PHC2: variants seen among roughly 807,000 people sequenced by gnomAD.
PHC2 encodes polyhomeotic-like protein 2.
In PHC2, 29 loss-of-function variants were observed where a neutral mutation model predicts 87.4. The ratio of observed to expected loss-of-function variants is 0.33; its 90% CI spans 0.25 to 0.45. The LOEUF is 0.45. PHC2 is among the 20% of genes least tolerant of loss of function. The pLI is 1.00. For missense variants in PHC2, 857 were observed against 1,136.7 expected (o/e 0.75, Z 3.54); for synonymous variants, 438 against 461.7 (o/e 0.95, Z 0.66).
At chr1:33,342,122 G>A (rs1646755740) in intron 9 of PHC2, among the ~76,000 whole-genome samples, 2 of 152,366 alleles carry the variant, frequency 1.3e-5, no homozygotes, top group South Asian at 4.1e-4. Context: ...GCGGATGACT[G>A]AGATCCACAC....
chr1:33,351,530 G>A (rs551998387), intron 9 of PHC2, among the ~76,000 whole-genome samples: 1 of 152,072 alleles, frequency 6.6e-6, no homozygotes, highest in African/African-American at 2.4e-5. Context: ...ACTTTCTATT[G>A]TAATTTTTTT....
intron 9 of PHC2, chr1:33,347,083 T>C: frequency 3.0e-6 from 3 of 985,360 alleles, no homozygotes; most frequent in Non-Finnish European, 3.6e-6. Context: ...AGACAGGAAA[T>C]GAGTAACACA....
In PHC2 at chr1:33,332,577, T is replaced by C. The variant is rs1428221153; in HGVS notation, c.1762-173A>G. The C allele has an allele frequency of 5.3e-6, 4 of 761,306 alleles. No homozygotes were observed. 47.2% of individuals were successfully genotyped at this position (761,306 alleles called of 1,614,324 possible). ...TGGGCTCAAGGCCCTATTTTGCTGG[T>C]TGGCTCACGAGGTAAGATGCTAATG... On this transcript the variant is annotated intron_variant, in intron 10 of 14. Transcript: ENST00000683057. The surrounding 1 kb of genome is among the most constrained non-coding windows in gnomAD (Gnocchi z 4.2).
rs138780645 is a variant in PHC2, at chr1:33,403,823, T to G, written c.-55+27153A>C. Among the ~76,000 whole-genome samples the G allele has an allele frequency of 2.5e-3, 378 of 152,310 alleles. 2 individuals are homozygous for G. Among genetic ancestry groups the G allele is most frequent in the African/African-American group, 8.4e-3 (349 of 41,566 alleles). ...TCAACACTGCTGACCATTCTTTTCC[T>G]TGAAACAGTAAATACCCTTGGCTTT... is the stretch of plus-strand genomic sequence containing the variant. On this transcript the variant is annotated intron_variant, in intron 1 of 14. Transcript: ENST00000683057.
intron 1 of PHC2, among the ~76,000 whole-genome samples, chr1:33,389,625 G>C (rs1356484364): frequency 6.6e-6 from 1 of 152,054 alleles, no homozygotes; most frequent in East Asian, 1.9e-4. Context: ...CTAGCTCTGG[G>C]GCCTCCTTAC....
At chr1:33,337,040 CTATTT>C (rs1646652465) in intron 9 of PHC2, among the ~76,000 whole-genome samples, 2 of 152,208 alleles carry the variant, frequency 1.3e-5, no homozygotes, top group African/African-American at 2.4e-5. Context: ...TAAGAAACAT[CTATTT>C]TATTTAAAAT....
chr1:33,376,579 A>T (rs1648197722), intron 1 of PHC2, among the ~76,000 whole-genome samples: 1 of 152,236 alleles, frequency 6.6e-6, no homozygotes. Context: ...TGAACATCAG[A>T]GAATTTACTA....
Position 33,354,542 on chromosome 1 carries a change from A to C in PHC2, c.1417T>G (p.Trp473Gly), listed in dbSNP as rs2148280939. The C allele has an allele frequency of 1.9e-6, 3 of 1,613,908 alleles. No homozygotes were observed. Among genetic ancestry groups the C allele is most frequent in the East Asian group, 2.2e-5 (1 of 44,872 alleles). ...PVPQQCVPDD[W>G]KEVAPGEKSV... ...TTCTCCCCTGGTGCCACTTCTTTCC[A>C]GTCATCAGGGACACACTGCTGGGGC... The change falls in exon 9 of 15, where the codon TGG becomes GGG. Residue 473 changes from tryptophan (W) to glycine (G), a missense_variant. By Grantham distance (184) the Trp-to-Gly change is radical. This residue lies in a region of PHC2 where 832 missense variants were observed against 1,081.8 expected (regional missense o/e 0.77). Coordinates refer to ENST00000683057, the MANE Select transcript of PHC2 (RefSeq NM_001385109.1).
intron 1 of PHC2, among the ~76,000 whole-genome samples, chr1:33,404,062 C>A (rs1270011283): frequency 2.6e-5 from 4 of 152,172 alleles, no homozygotes; most frequent in African/African-American, 9.7e-5. Context: ...TCAGACCTCT[C>A]CTCTGAGTGA....
chr1:33,360,344 T>C (rs1647173555), intron 7 of PHC2, among the ~76,000 whole-genome samples: 1 of 152,244 alleles, frequency 6.6e-6, no homozygotes, highest in Admixed American at 6.5e-5. Context: ...AAAGAAAATG[T>C]TATCTGCATC....
At chr1:33,428,770 G>A (rs184467333) in intron 1 of PHC2, among the ~76,000 whole-genome samples, 3 of 152,338 alleles carry the variant, frequency 2.0e-5, no homozygotes, top group Admixed American at 2.0e-4. Context: ...GGGATGAAGA[G>A]AAGAGGATAA....
At chr1:33,341,033 G>T (rs1285378554) in intron 9 of PHC2, among the ~76,000 whole-genome samples, 1 of 152,054 alleles carries the variant, frequency 6.6e-6, no homozygotes, top group African/African-American at 2.4e-5. Context: ...AAGCAACTTG[G>T]CCTCAGAGGT....
chr1:33,335,987 G>GT, intron 9 of PHC2, among the ~76,000 whole-genome samples: 1 of 113,310 alleles, frequency 8.8e-6, no homozygotes, highest in Admixed American at 7.8e-5. Flanking sequence ...TGTTGTTGTT[G>GT]TTGTTGTTGT....
At chr1:33,335,236 T>C in intron 9 of PHC2, 3 of 985,460 alleles carry the variant, frequency 3.0e-6, no homozygotes, top group Non-Finnish European at 3.6e-6. Flanking sequence ...AGCTGTCTCA[T>C]TGTCTTAGAC....
intron 1 of PHC2, among the ~76,000 whole-genome samples, chr1:33,391,688 T>C (rs1649060559): frequency 1.3e-5 from 2 of 151,216 alleles, no homozygotes; most frequent in Admixed American, 6.6e-5. Flanking sequence ...TATTTTATCA[T>C]TTAAATTAAA....
chr1:33,354,352 A>C (rs1299747008), intron 9 of PHC2, 49 bp downstream of exon 9: 3 of 1,554,272 alleles, frequency 1.9e-6, no homozygotes, highest in Non-Finnish European at 2.6e-6. Context: ...GGGCATGGCA[A>C]GAAAGGCCAA....
At position 33,371,032 on chromosome 1, in the gene PHC2, C is replaced by G. The variant is rs777203855; in HGVS notation, c.396G>C (p.Pro132=). 2 of 1,613,974 alleles carry G rather than the reference C, an allele frequency of 1.2e-6. No homozygotes were observed. Among genetic ancestry groups the G allele is most frequent in the East Asian group, 4.5e-5 (2 of 44,888 alleles). Residue 132 remains proline, a synonymous_variant, in exon 4 of 15, where the codon CCG becomes CCC. Transcript: ENST00000683057. The part of the protein sequence containing the change: ...TSGSNVSAQA[P]AQSSSINLAA... ...TTCTACTCACCGAAGATGACTGGGC[C>G]GGGGCCTGCGCAGACACATTGCTGC... is the stretch of plus-strand genomic sequence containing the variant.
chr1:33,406,704 T>C (rs1005071982), intron 1 of PHC2, among the ~76,000 whole-genome samples: 3 of 152,208 alleles, frequency 2.0e-5, no homozygotes, highest in African/African-American at 7.2e-5. Flanking sequence ...CAAAATGCCT[T>C]TAATTTTCCT....
chr1:33,334,339 G>C lies in PHC2; in HGVS notation c.1559-47C>G. 1 of 1,559,948 alleles carries C rather than the reference G, an allele frequency of 6.4e-7. No individual in the cohort carries two copies. On this transcript the variant is annotated intron_variant, in intron 9 of 14. Coordinates refer to ENST00000683057, the MANE Select transcript of PHC2 (RefSeq NM_001385109.1). This position sits in a 1 kb window ranked among gnomAD's most constrained non-coding sequence, Gnocchi z 5.5. Reference sequence around the variant, plus strand: ...AACAAAGCAGGGGAGATCAGAACCAGAGTCCACGCCCAGGGAGGGACAGCA... The same window carrying C: ...AACAAAGCAGGGGAGATCAGAACCACAGTCCACGCCCAGGGAGGGACAGCA...
Sources: allele counts gnomAD v4.1 joint callset (sites outside exome capture counted in the v4.1 genomes callset), GRCh38; gene constraint gnomAD v4.1.1; regional missense constraint gnomAD v4.1.1; non-coding constraint Gnocchi (gnomAD v3.1); transcripts MANE v1.5; gene names NCBI Gene and HGNC (gene_info 2026-07-23, HGNC 2026-07-21).